FRMPD4: variants seen among roughly 807,000 people sequenced by gnomAD.
FRMPD4 encodes the protein FERM and PDZ domain-containing protein 4.
Under a neutral mutation model 94.1 loss-of-function variants are expected in FRMPD4, and 22 were observed. The ratio of observed to expected loss-of-function variants is 0.23; its 90% CI spans 0.17 to 0.33. The LOEUF (loss-of-function observed/expected upper bound fraction) is 0.33, where lower values mean the gene tolerates loss of function less well. Among genes scored for constraint, FRMPD4 ranks in the 10% least tolerant of loss-of-function variants. The pLI, the probability that FRMPD4 is intolerant of heterozygous loss-of-function variation, is 1.00. For missense variants in FRMPD4, 1,111 were observed against 1,339.9 expected (o/e 0.83, Z 2.67); for synonymous variants, 631 against 548.6 (o/e 1.15, Z -2.10).
chrX:12,479,239 T>A (rs1371654497), intron 1 of FRMPD4, among the ~76,000 whole-genome samples: 2 of 108,417 alleles, frequency 1.8e-5, no homozygotes, highest in Non-Finnish European at 3.8e-5. Context: ...ATAAGAGCCA[T>A]CCTTTTGTGT....
intron 1 of FRMPD4, among the ~76,000 whole-genome samples, chrX:12,435,860 CTT>C (rs2057060537): frequency 9.0e-6 from 1 of 111,537 alleles, no homozygotes; most frequent in Non-Finnish European, 1.9e-5. Context: ...GGCCCAATTG[CTT>C]TTGATCTCTT....
chrX:12,459,361 G>A (rs564871580), intron 1 of FRMPD4, among the ~76,000 whole-genome samples: 1 of 110,885 alleles, frequency 9.0e-6, no homozygotes, highest in African/African-American at 3.3e-5. Flanking sequence ...AATCTGAAGT[G>A]TAATTGCTGA....
At chrX:12,277,714 A>G (rs2054462504) in intron 1 of FRMPD4, among the ~76,000 whole-genome samples, 1 of 112,082 alleles carries the variant, frequency 8.9e-6, no homozygotes, top group African/African-American at 3.2e-5. Context: ...CCAATGTCAT[A>G]TATTTTGGGT....
chrX:11,916,188 C>T (rs978476728), intron 3 of FRMPD4, among the ~76,000 whole-genome samples: 2 of 111,182 alleles, frequency 1.8e-5, no homozygotes, highest in African/African-American at 6.5e-5. Flanking sequence ...AGAAATTACA[C>T]GGTATATTTG....
At chrX:11,907,916 A>C (rs752593891) in intron 3 of FRMPD4, among the ~76,000 whole-genome samples, 1 of 110,032 alleles carries the variant, frequency 9.1e-6, no homozygotes, top group Non-Finnish European at 1.9e-5. Flanking sequence ...TGTGGCTGTA[A>C]TGTGGCTCTT....
At chrX:12,446,839 C>T (rs1374391065) in intron 1 of FRMPD4, among the ~76,000 whole-genome samples, 1 of 111,647 alleles carries the variant, frequency 9.0e-6, no homozygotes, top group Non-Finnish European at 1.9e-5. Flanking sequence ...GTGGCTCCAC[C>T]CCTTTTGGGG....
chrX:11,985,695 A>G (rs1218806701), intron 3 of FRMPD4, among the ~76,000 whole-genome samples: 2 of 111,556 alleles, frequency 1.8e-5, no homozygotes, highest in Admixed American at 1.9e-4. Flanking sequence ...GCCTGACATT[A>G]TTAACTACAG....
intron 1 of FRMPD4, among the ~76,000 whole-genome samples, chrX:12,410,007 C>T (rs755188963): frequency 3.6e-5 from 4 of 111,419 alleles, no homozygotes; most frequent in Non-Finnish European, 7.6e-5. Context: ...TTTAGGAAAA[C>T]AGGGTTTTAA....
intron 3 of FRMPD4, among the ~76,000 whole-genome samples, chrX:12,045,611 T>C (rs1217128508): frequency 1.8e-5 from 2 of 111,372 alleles, no homozygotes; most frequent in Non-Finnish European, 3.8e-5. Flanking sequence ...CATGTTGAGA[T>C]GGATACATTA....
At chrX:12,146,166 A>G (rs1388742871) in intron 1 of FRMPD4, among the ~76,000 whole-genome samples, 1 of 110,735 alleles carries the variant, frequency 9.0e-6, no homozygotes, top group African/African-American at 3.3e-5. Context: ...GATCGAGACC[A>G]TCCTGGCTAA....
At chrX:12,238,180 A>C (rs894440394) in intron 1 of FRMPD4, among the ~76,000 whole-genome samples, 1 of 111,609 alleles carries the variant, frequency 9.0e-6, no homozygotes, top group Non-Finnish European at 1.9e-5. Flanking sequence ...GCTGGAGGGC[A>C]ATGGTGCCAT....
At chrX:12,081,218 T>C (rs966531196) in intron 3 of FRMPD4, among the ~76,000 whole-genome samples, 2 of 112,094 alleles carry the variant, frequency 1.8e-5, no homozygotes, top group African/African-American at 6.5e-5. Flanking sequence ...GTTGTAGATA[T>C]AACCTGTGTG....
At chrX:12,488,983 G>A (rs1269884042) in intron 1 of FRMPD4, among the ~76,000 whole-genome samples, 2 of 111,911 alleles carry the variant, frequency 1.8e-5, no homozygotes, top group East Asian at 5.6e-4. Context: ...TTTCCACATT[G>A]TCTATGGCTA....
At chrX:12,616,013 A>C (rs2059233027) in intron 4 of FRMPD4, among the ~76,000 whole-genome samples, 2 of 110,837 alleles carry the variant, frequency 1.8e-5, no homozygotes. Context: ...ATAGAAAGAG[A>C]AGGCACTTAA....
chrX:12,516,168 T>A (rs780672375), intron 2 of FRMPD4, among the ~76,000 whole-genome samples: 1 of 112,178 alleles, frequency 8.9e-6, no homozygotes, highest in East Asian at 2.8e-4. Context: ...ACATTCTGTG[T>A]CTTTTAATTG....
chrX:12,279,540 C>T (rs756940268), intron 1 of FRMPD4, among the ~76,000 whole-genome samples: 4 of 111,925 alleles, frequency 3.6e-5, no homozygotes, highest in Non-Finnish European at 7.5e-5. Flanking sequence ...TCTTAAAGAC[C>T]AGCTAGTACT....
At chrX:12,256,982 T>C (rs1205771803) in intron 1 of FRMPD4, among the ~76,000 whole-genome samples, 1 of 112,200 alleles carries the variant, frequency 8.9e-6, no homozygotes, top group Non-Finnish European at 1.9e-5. Flanking sequence ...GTGGTTACTC[T>C]GTAAAAATAT....
intron 1 of FRMPD4, among the ~76,000 whole-genome samples, chrX:12,469,675 G>A (rs1009779901): frequency 3.4e-4 from 38 of 112,370 alleles, no homozygotes; most frequent in African/African-American, 1.2e-3. Flanking sequence ...TTGAAGTTAA[G>A]CACTGGCAAA....
At chrX:12,273,156 T>A (rs189631426) in intron 1 of FRMPD4, among the ~76,000 whole-genome samples, 1 of 111,961 alleles carries the variant, frequency 8.9e-6, no homozygotes. Flanking sequence ...CCTTTACCAA[T>A]TTTAGTCTTG....
Sources: gnomAD v4.1 joint callset for allele counts (sites outside exome capture counted in the v4.1 genomes callset) on GRCh38, gnomAD v4.1.1 for gene constraint, MANE v1.5 for transcripts, NCBI Gene and HGNC (gene_info 2026-07-23, HGNC 2026-07-21) for gene names.